NPLOC4: variants seen among roughly 807,000 people sequenced by gnomAD.
The protein encoded by NPLOC4 is NPL4 homolog, ubiquitin recognition factor.
Under a neutral mutation model 80.6 loss-of-function variants are expected in NPLOC4, and 18 were observed. The observed-to-expected ratio is 0.22, with a 90% CI of 0.15 to 0.33. NPLOC4 has a LOEUF of 0.33. NPLOC4 is among the 10% of genes least tolerant of loss of function. The probability of loss-of-function intolerance (pLI) is 1.00; values close to 1 mark genes in which losing one functional copy is unlikely to be tolerated. For synonymous variants in NPLOC4, 313 were observed against 301.5 expected, an observed-to-expected ratio of 1.04 and a Z score of -0.39; for missense variants, 540 against 786.1, an observed-to-expected ratio of 0.69 and a Z score of 3.74.
chr17:81,565,007 A>G (rs2033967205), intron 16 of NPLOC4: 2 of 377,530 alleles, frequency 5.3e-6, no homozygotes, highest in Admixed American at 4.6e-5. Context: ...CGAGTGGGGA[A>G]TCGTTCAGGA....
At chr17:81,627,826 C>T (rs1419663904) in intron 2 of NPLOC4, among the ~76,000 whole-genome samples, 1 of 152,094 alleles carries the variant, frequency 6.6e-6, no homozygotes, top group East Asian at 1.9e-4. Flanking sequence ...ATCCCAGCTA[C>T]TTGGGAGGCT....
rs991732337 is a variant in NPLOC4 at position 81,558,558 on chromosome 17, A to C, written c.*701T>G. On this transcript the variant is annotated 3_prime_UTR_variant, in exon 17 of 17. Coordinates refer to ENST00000331134, the MANE Select transcript of NPLOC4 (RefSeq NM_017921.4). ...AAGGATGTGGAAACTAGTCTCTCTC[A>C]CTCCCCTTTTGTGCAGTTTTTATCT... 1 of 151,720 alleles carries C rather than the reference A, an allele frequency of 6.6e-6. No individual in the cohort carries two copies. Among genetic ancestry groups the C allele is most frequent in the Non-Finnish European group, 1.5e-5 (1 of 67,974 alleles). 9.4% of individuals were successfully genotyped at this position (151,720 alleles called of 1,614,324 possible).
intron 5 of NPLOC4, among the ~76,000 whole-genome samples, chr17:81,609,564 C>G (rs1408301590): frequency 6.6e-6 from 1 of 152,208 alleles, no homozygotes; most frequent in Non-Finnish European, 1.5e-5. Flanking sequence ...CTGGCCCTGG[C>G]CTCCCAAAGT....
Position 81,569,077 on chromosome 17 carries a change from G to C in NPLOC4, c.1388C>G (p.Thr463Ser). Residue 463 changes from threonine to serine, a missense_variant, in exon 14 of 17, where the codon ACT becomes AGT. By Grantham distance (58) the Thr-to-Ser change is moderately conservative. Coordinates refer to ENST00000331134, the MANE Select transcript of NPLOC4 (RefSeq NM_017921.4). ...AAATGGATTTTGCGAAATAGAAAAA[G>C]TGTAAACTGGATCCTTGGGGAAAGT... Reference protein sequence around the residue: ...TTTFPKDPVYTFSISQNPFPI... With the variant: ...TTTFPKDPVYSFSISQNPFPI... 6.2e-7 allele frequency: 1 copy of C among 1,612,938 alleles called. No individual in the cohort carries two copies.
chr17:81,618,834 G>A (rs1368882624), intron 3 of NPLOC4, among the ~76,000 whole-genome samples: 2 of 152,172 alleles, frequency 1.3e-5, no homozygotes, highest in Non-Finnish European at 2.9e-5. Context: ...GTAGACATGG[G>A]AGACTTTTCA....
chr17:81,596,674 C>T (rs1291220102), intron 10 of NPLOC4, among the ~76,000 whole-genome samples: 3 of 152,350 alleles, frequency 2.0e-5, no homozygotes, highest in South Asian at 2.1e-4. Flanking sequence ...AAACCACTCA[C>T]GACTAGAAAG....
At chr17:81,586,962 A>G (rs932034035) in intron 12 of NPLOC4, among the ~76,000 whole-genome samples, 4 of 152,238 alleles carry the variant, frequency 2.6e-5, no homozygotes, top group African/African-American at 9.6e-5. Flanking sequence ...TCTCTGGAAG[A>G]AAACACCCTG....
chr17:81,587,620 CCT>C (rs1003944585), intron 12 of NPLOC4, among the ~76,000 whole-genome samples: 5 of 118,086 alleles, frequency 4.2e-5, no homozygotes, highest in African/African-American at 1.0e-4. Context: ...CAGCTGACAC[CCT>C]GTCTCTTTAA....
intron 1 of NPLOC4, among the ~76,000 whole-genome samples, chr17:81,631,810 T>C (rs562299212): frequency 2.6e-5 from 4 of 152,190 alleles, no homozygotes; most frequent in Admixed American, 1.3e-4. Context: ...TCATTTTTTT[T>C]TTCCCCGAGA....
intron 5 of NPLOC4, among the ~76,000 whole-genome samples, chr17:81,609,070 T>TTGC (rs1322348538): frequency 2.6e-5 from 4 of 152,214 alleles, no homozygotes; most frequent in Non-Finnish European, 4.4e-5. Flanking sequence ...TGGAGTGCAG[T>TTGC]GGCACAGTGG....
intron 3 of NPLOC4, among the ~76,000 whole-genome samples, chr17:81,615,105 T>TTC (rs2035445416): frequency 6.7e-6 from 1 of 149,684 alleles, no homozygotes; most frequent in African/African-American, 2.5e-5. Context: ...TGTTTCTTTT[T>TTC]TTTTTTTTTT....
intron 11 of NPLOC4, among the ~76,000 whole-genome samples, chr17:81,595,135 A>T (rs1178761378): frequency 6.6e-6 from 1 of 151,860 alleles, no homozygotes; most frequent in Non-Finnish European, 1.5e-5. Flanking sequence ...GTCTCAAGGG[A>T]TCCTCCTGGC....
chr17:81,581,279 G>A (rs996286598), intron 12 of NPLOC4, among the ~76,000 whole-genome samples: 3 of 149,406 alleles, frequency 2.0e-5, no homozygotes, highest in African/African-American at 7.4e-5. Context: ...AACCTGGGAG[G>A]CGGAGGTTGT....
chr17:81,577,319 A>C lies in NPLOC4; in HGVS notation c.1282-5231T>G, dbSNP rs1300877512. 6.6e-6 allele frequency among the ~76,000 whole-genome samples: 1 copy of C among 151,934 alleles called. No individual in the cohort carries two copies. Among genetic ancestry groups the C allele is most frequent in the African/African-American group, 2.4e-5 (1 of 41,370 alleles). ...CCCAGCACTGTCCCTTGGCACCAGG[A>C]CATCACCCTCCCACCTCTCCCAGAC... is the stretch of plus-strand genomic sequence containing the variant. On this transcript the variant is annotated intron_variant, in intron 12 of 16. Transcript: ENST00000331134. This position sits in a 1 kb window ranked among gnomAD's most constrained non-coding sequence, Gnocchi z 4.3.
rs762141062 is a variant in NPLOC4, at chr17:81,604,567, G to A, written c.815C>T (p.Ala272Val). ...IPLGIRAEVA[A>V]IYEPPQIGTQ... ...GTTTACCTGAGGTGGCTCATAAATC[G>A]CAGCCACTTCAGCCCTGATGCCAAG... Residue 272 changes from alanine to valine, a missense_variant, in exon 8 of 17, where the codon GCG (alanine) becomes GTG (valine). This residue lies in a region of NPLOC4 where 251 missense variants were observed against 377.5 expected (regional missense o/e 0.66). Coordinates refer to ENST00000331134, the MANE Select transcript of NPLOC4 (RefSeq NM_017921.4). 98 of 1,612,276 alleles carry A rather than the reference G, an allele frequency of 6.1e-5. No homozygotes were observed. Among genetic ancestry groups the A allele is most frequent in the South Asian group, 4.0e-4 (36 of 90,710 alleles).
chr17:81,610,283 A>C (rs2035307807), intron 4 of NPLOC4, 25 bp from the exon 5 acceptor site: 1 of 1,560,596 alleles, frequency 6.4e-7, no homozygotes. Flanking sequence ...AGGCAGAAAA[A>C]GGCAGAGCAG....
Position 81,600,378 on chromosome 17 carries a change from A to G in NPLOC4, c.884T>C (p.Val295Ala). 1 of 1,612,652 alleles carries G rather than the reference A, an allele frequency of 6.2e-7. No homozygotes were observed. The highest frequency in any genetic ancestry group is 8.5e-7 in the Non-Finnish European group (1 of 1,179,442). The stretch of plus-strand genomic sequence containing the variant: ...AAGTTTGGCAGCAATTTCATCGACC[A>G]CTTCAGCTTTTGGATCCTCAAGAAG... ...LELLEDPKAE[V>A]VDEIAAKLGL... is the part of the protein sequence containing the mutation. Residue 295 changes from valine to alanine, a missense_variant, in exon 9 of 17, where the codon GTG becomes GCG. Around this residue, in one of 6 missense-constraint regions of NPLOC4, gnomAD observed 251 missense variants for 377.5 expected, o/e 0.66. Transcript: ENST00000331134.
At chr17:81,606,379 C>A (rs1215518133) in intron 7 of NPLOC4, among the ~76,000 whole-genome samples, 1 of 152,066 alleles carries the variant, frequency 6.6e-6, no homozygotes, top group Non-Finnish European at 1.5e-5. Flanking sequence ...CAAGGGGTGC[C>A]CCTTTACCAA....
intron 2 of NPLOC4, among the ~76,000 whole-genome samples, chr17:81,623,104 G>A (rs1309531656): frequency 1.4e-5 from 2 of 147,474 alleles, no homozygotes; most frequent in East Asian, 4.1e-4. Context: ...TGAAGCAGGA[G>A]AATCACTTGA....
Sources: gnomAD v4.1 joint callset for allele counts (sites outside exome capture counted in the v4.1 genomes callset) on GRCh38, gnomAD v4.1.1 for gene constraint, gnomAD v4.1.1 regional missense constraint, Gnocchi (gnomAD v3.1) non-coding constraint, MANE v1.5 for transcripts, NCBI Gene and HGNC (gene_info 2026-07-23, HGNC 2026-07-21) for gene names.